Variants in SENP7 observed in about 807,000 individuals in gnomAD.
The protein encoded by SENP7 is sentrin-specific protease 7.
A neutral mutation model predicts 141.2 loss-of-function variants in SENP7; 64 were observed. The observed-to-expected ratio is 0.45, with a 90% CI of 0.37 to 0.56. The LOEUF (loss-of-function observed/expected upper bound fraction) is 0.56. SENP7 is among the 20% of genes least tolerant of loss of function. The pLI is 0.00. For synonymous variants in SENP7, 382 were observed against 426.4 expected (o/e 0.90, Z 1.28); for missense variants, 1,025 against 1,212.2 (o/e 0.85, Z 2.29).
Position 101,325,865 on chromosome 3 carries a change from G to T in SENP7, c.*78C>A. On this transcript the variant is annotated 3_prime_UTR_variant, in exon 24 of 24. Coordinates refer to ENST00000394095, the MANE Select transcript of SENP7 (RefSeq NM_020654.5). Reference sequence around the variant, plus strand: ...TACTGCAAGTTATTTTCTTCTCTGTGAGCTGGCTAACACAAATGCTGGTAA... The same window carrying T: ...TACTGCAAGTTATTTTCTTCTCTGTTAGCTGGCTAACACAAATGCTGGTAA... The T allele has an allele frequency of 7.6e-7, 1 of 1,323,712 alleles. No individual in the cohort carries two copies. The highest frequency in any genetic ancestry group is 1.0e-6 in the Non-Finnish European group (1 of 983,392). The allele number at this position is 1,323,712 out of a possible 1,614,324, so 82.0% of individuals were successfully genotyped here.
chr3:101,371,351 G>A (rs2060175779), intron 7 of SENP7, among the ~76,000 whole-genome samples: 1 of 152,058 alleles, frequency 6.6e-6, no homozygotes, highest in Non-Finnish European at 1.5e-5. Flanking sequence ...AAGCAACAAA[G>A]AGACTTCAAC....
intron 2 of SENP7, among the ~76,000 whole-genome samples, chr3:101,496,783 G>C (rs1463372850): frequency 6.6e-6 from 1 of 151,736 alleles, no homozygotes; most frequent in East Asian, 1.9e-4. Flanking sequence ...GCACCATCTT[G>C]GCCAGGCTGG....
At chr3:101,427,476 C>G (rs2062000284) in intron 4 of SENP7, among the ~76,000 whole-genome samples, 2 of 125,514 alleles carry the variant, frequency 1.6e-5, no homozygotes, top group Admixed American at 9.9e-5. Flanking sequence ...GGTGACAGAG[C>G]AAGACACTGT....
At chr3:101,343,556 C>T (rs773347765) in intron 14 of SENP7, 130 bp downstream of exon 14, 27 of 731,868 alleles carry the variant, frequency 3.7e-5, no homozygotes, top group South Asian at 2.1e-4. Flanking sequence ...GCATTGGCAA[C>T]GGGAGTTCTT....
intron 1 of SENP7, among the ~76,000 whole-genome samples, chr3:101,505,393 T>G (rs2065560704): frequency 6.6e-6 from 1 of 152,240 alleles, no homozygotes; most frequent in Non-Finnish European, 1.5e-5. Context: ...TTTCTTAAAT[T>G]TTAATTTACA....
At chr3:101,512,974 TCCCCGC>T in intron 1 of SENP7, 111 bp downstream of exon 1, 1 of 1,181,150 alleles carries the variant, frequency 8.5e-7, no homozygotes, top group Non-Finnish European at 1.3e-6. Context: ...CCCCTTCCTC[TCCCCGC>T]CCCCGCCCTC....
chr3:101,479,246 G>C lies in SENP7; in HGVS notation c.186+14627C>G, dbSNP rs568388813. Among the ~76,000 whole-genome samples, 7 of 152,272 alleles carry C rather than the reference G, an allele frequency of 4.6e-5. No individual in the cohort carries two copies. The South Asian group carries it at 1.5e-3, about 32-fold the overall frequency. On this transcript the variant is annotated intron_variant, in intron 3 of 23. Transcript: ENST00000394095. The stretch of plus-strand genomic sequence containing the variant: ...AATAAAAGACATCCAAATTGAAAAA[G>C]AGGAAGTAAAATTATCCCTCTTTGC...
At chr3:101,345,889 G>C (rs1031748167) in intron 13 of SENP7, among the ~76,000 whole-genome samples, 6 of 152,208 alleles carry the variant, frequency 3.9e-5, no homozygotes, top group Non-Finnish European at 8.8e-5. Flanking sequence ...ACCCAAAAGC[G>C]AATGCAACCA....
At chr3:101,407,152 T>A (rs192029632) in intron 5 of SENP7, among the ~76,000 whole-genome samples, 10 of 152,140 alleles carry the variant, frequency 6.6e-5, no homozygotes, top group Admixed American at 4.6e-4. Flanking sequence ...TATTCTTATA[T>A]CAGACAAAAC....
At chr3:101,419,320 G>C (rs1304769421) in intron 4 of SENP7, among the ~76,000 whole-genome samples, 2 of 152,186 alleles carry the variant, frequency 1.3e-5, no homozygotes, top group African/African-American at 4.8e-5. Context: ...AAGGATGTGA[G>C]ACTTTATGTC....
chr3:101,458,832 C>G, intron 4 of SENP7, 123 bp downstream of exon 4: 2 of 596,460 alleles, frequency 3.4e-6, no homozygotes, highest in South Asian at 2.6e-5. Context: ...TTAGAGTCCA[C>G]TGAATTCAAA....
At position 101,325,700 on chromosome 3, in the gene SENP7, G is replaced by C. The variant is rs996869818; in HGVS notation, c.*243C>G. On this transcript the variant is annotated 3_prime_UTR_variant, in exon 24 of 24. Transcript: ENST00000394095. ...CAATCATATTTACTCAGAAAAATAT[G>C]AAATATTTATAAAATTTTAATTTAT... 2.2e-5 allele frequency: 5 copies of C among 227,402 alleles called. No individual in the cohort carries two copies. The highest frequency in any genetic ancestry group is 3.4e-5 in the Non-Finnish European group (4 of 119,192). 14.1% of individuals were successfully genotyped at this position (227,402 alleles called of 1,614,324 possible).
chr3:101,421,966 G>A (rs542422044), intron 4 of SENP7, among the ~76,000 whole-genome samples: 32 of 152,274 alleles, frequency 2.1e-4, no homozygotes, highest in Middle Eastern at 6.8e-3. Flanking sequence ...AGTGGTTATC[G>A]TTAAAGCAGG....
chr3:101,345,151 C>A (rs1462735997), intron 13 of SENP7, among the ~76,000 whole-genome samples: 3 of 151,918 alleles, frequency 2.0e-5, no homozygotes, highest in African/African-American at 7.3e-5. Context: ...TATGATGACT[C>A]CAGATTTGTT....
At chr3:101,508,696 T>C (rs1383459240) in intron 1 of SENP7, among the ~76,000 whole-genome samples, 2 of 152,198 alleles carry the variant, frequency 1.3e-5, no homozygotes, top group African/African-American at 4.8e-5. Flanking sequence ...CTATATACTG[T>C]CTTCCTCACT....
At chr3:101,502,114 A>G (rs1284351930) in intron 1 of SENP7, among the ~76,000 whole-genome samples, 2 of 152,216 alleles carry the variant, frequency 1.3e-5, no homozygotes, top group Non-Finnish European at 2.9e-5. Flanking sequence ...CACAAATGAA[A>G]ACGTTAATAA....
intron 1 of SENP7, among the ~76,000 whole-genome samples, chr3:101,510,030 A>C (rs1198043487): frequency 6.6e-6 from 1 of 152,246 alleles, no homozygotes; most frequent in Non-Finnish European, 1.5e-5. Context: ...ATGTTGCCTG[A>C]AGCAATCAGT....
chr3:101,453,818 T>C (rs1048433252), intron 4 of SENP7, among the ~76,000 whole-genome samples: 1 of 151,966 alleles, frequency 6.6e-6, no homozygotes, highest in African/African-American at 2.4e-5. Context: ...TATACATATG[T>C]AACTAACCTG....
At chr3:101,337,846 C>A (rs1234385534) in intron 16 of SENP7, among the ~76,000 whole-genome samples, 1 of 152,124 alleles carries the variant, frequency 6.6e-6, no homozygotes, top group Non-Finnish European at 1.5e-5. Context: ...ATTTACTTAA[C>A]AAATATTTAT....
Sources: allele counts gnomAD v4.1 joint callset (sites outside exome capture counted in the v4.1 genomes callset), GRCh38; gene constraint gnomAD v4.1.1; transcripts MANE v1.5; gene names NCBI Gene and HGNC (gene_info 2026-07-23, HGNC 2026-07-21).